Variants in FNIP1 observed in about 807,000 individuals in gnomAD.
The protein encoded by FNIP1 is folliculin interacting protein 1.
A neutral mutation model predicts 124.5 loss-of-function variants in FNIP1; 40 were observed. The observed-to-expected ratio is 0.32, with a 90% CI of 0.25 to 0.42. The LOEUF (loss-of-function observed/expected upper bound fraction) is 0.42. FNIP1 is among the 10% of genes least tolerant of loss of function. The pLI, the probability that FNIP1 is intolerant of heterozygous loss-of-function variation, is 1.00. For missense variants in FNIP1, 1,176 were observed against 1,403.7 expected (o/e 0.84, Z 2.59); for synonymous variants, 472 against 470.6 (o/e 1.00, Z -0.04).
chr5:131,677,936 G>A, intron 12 of FNIP1, 64 bp from the exon 13 acceptor site: 1 of 1,536,592 alleles, frequency 6.5e-7, no homozygotes, highest in Non-Finnish European at 8.8e-7. Flanking sequence ...GTAAAATGTA[G>A]TGAAAAAGTA....
In FNIP1 at chr5:131,643,677, A is replaced by G. The variant is rs896794811; in HGVS notation, c.*1008T>C. 6.5e-6 allele frequency: 1 copy of G among 152,722 alleles called. No homozygotes were observed. The highest frequency in any genetic ancestry group is 1.5e-5 in the Non-Finnish European group (1 of 68,022). 9.5% of individuals were successfully genotyped at this position (152,722 alleles called of 1,614,324 possible). ...AAGAGAATAATTTTAAGAGTTATGA[A>G]TAGTGTAAATTGAGGATTATTAAGC... On this transcript the variant is annotated 3_prime_UTR_variant, in exon 18 of 18. Transcript: ENST00000510461.
At chr5:131,784,851 A>T (rs910614518) in intron 1 of FNIP1, among the ~76,000 whole-genome samples, 5 of 150,306 alleles carry the variant, frequency 3.3e-5, no homozygotes, top group African/African-American at 1.2e-4. Flanking sequence ...CAAAAATATT[A>T]AAGTAAATAT....
At chr5:131,706,375 A>C (rs932045454) in intron 9 of FNIP1, 36 bp downstream of exon 9, 1 of 1,566,080 alleles carries the variant, frequency 6.4e-7, no homozygotes, top group African/African-American at 1.4e-5. Context: ...TTAAGGAACT[A>C]CTCAATCTTG....
chr5:131,749,537 G>A (rs957242749), intron 1 of FNIP1, among the ~76,000 whole-genome samples: 68 of 151,922 alleles, frequency 4.5e-4, no homozygotes, highest in Admixed American at 3.9e-3. Flanking sequence ...GTTTACAGGC[G>A]TGTGCCATCA....
At chr5:131,754,680 G>T (rs1229921803) in intron 1 of FNIP1, among the ~76,000 whole-genome samples, 1 of 152,250 alleles carries the variant, frequency 6.6e-6, no homozygotes, top group East Asian at 1.9e-4. Flanking sequence ...ATGAAGGCAG[G>T]CTGGAGCATC....
intron 6 of FNIP1, among the ~76,000 whole-genome samples, chr5:131,712,355 T>C (rs768151435): frequency 6.6e-6 from 1 of 152,190 alleles, no homozygotes; most frequent in Non-Finnish European, 1.5e-5. Context: ...CCACCCTCCA[T>C]ATATCTAATC....
intron 1 of FNIP1, among the ~76,000 whole-genome samples, chr5:131,754,662 G>C (rs1770985859): frequency 6.6e-6 from 1 of 152,206 alleles, no homozygotes; most frequent in African/African-American, 2.4e-5. Context: ...GAAGCAACAG[G>C]CACAGCTATG....
intron 6 of FNIP1, among the ~76,000 whole-genome samples, chr5:131,716,242 A>G (rs565439223): frequency 2.6e-5 from 4 of 152,208 alleles, no homozygotes; most frequent in Non-Finnish European, 5.9e-5. Context: ...GAAATAGCCA[A>G]AAGAACTACT....
At chr5:131,732,877 T>C (rs1307080841) in intron 2 of FNIP1, among the ~76,000 whole-genome samples, 3 of 152,224 alleles carry the variant, frequency 2.0e-5, no homozygotes, top group Non-Finnish European at 4.4e-5. Context: ...AAGTCATTGA[T>C]AGCTTGATGG....
intron 3 of FNIP1, among the ~76,000 whole-genome samples, chr5:131,729,416 A>C (rs1330934423): frequency 2.6e-5 from 4 of 152,228 alleles, no homozygotes; most frequent in Admixed American, 2.6e-4. Context: ...CAGTCTGGCT[A>C]CAGTGGCTTA....
intron 11 of FNIP1, among the ~76,000 whole-genome samples, chr5:131,693,319 C>CATATATAT (rs1339116049): frequency 9.6e-5 from 4 of 41,620 alleles, no homozygotes; most frequent in African/African-American, 3.1e-4. Flanking sequence ...TATATATACA[C>CATATATAT]ATATATATAT....
chr5:131,790,700 T>G (rs1460845478), intron 1 of FNIP1, among the ~76,000 whole-genome samples: 1 of 152,194 alleles, frequency 6.6e-6, no homozygotes, highest in Non-Finnish European at 1.5e-5. Context: ...CAATAAGCTA[T>G]GAAACAAAGT....
At chr5:131,729,730 A>G (rs1489236030) in intron 3 of FNIP1, among the ~76,000 whole-genome samples, 1 of 151,606 alleles carries the variant, frequency 6.6e-6, no homozygotes, top group African/African-American at 2.4e-5. Context: ...GGCTCACACC[A>G]CCACACACAG....
Position 131,642,207 on chromosome 5 carries a change from CATA to C in FNIP1, c.*2475_*2477del, listed in dbSNP as rs1766736634. The stretch of plus-strand genomic sequence containing the variant: ...AAGCCAAAACTCTTTTCACATTCAT[CATA>C]ATGACCACACTTTAAAGTAGCAGCA... On this transcript the variant is annotated 3_prime_UTR_variant, in exon 18 of 18. Coordinates refer to ENST00000510461, the MANE Select transcript of FNIP1 (RefSeq NM_133372.3). 6.6e-6 allele frequency: 1 copy of C among 152,656 alleles called. No homozygotes were observed. The highest frequency in any genetic ancestry group is 2.4e-5 in the African/African-American group (1 of 41,416). 9.5% of individuals were successfully genotyped at this position (152,656 alleles called of 1,614,324 possible). A position where few individuals can be genotyped will look rare whatever the true frequency, so the allele number is the denominator to read the frequency against.
chr5:131,647,830 T>C (rs1002838858), intron 16 of FNIP1, among the ~76,000 whole-genome samples: 1 of 152,198 alleles, frequency 6.6e-6, no homozygotes, highest in African/African-American at 2.4e-5. Context: ...CAGAATGTTG[T>C]GCAACCGTCA....
intron 1 of FNIP1, among the ~76,000 whole-genome samples, chr5:131,762,009 G>A (rs1261605342): frequency 6.6e-6 from 1 of 152,090 alleles, no homozygotes; most frequent in Non-Finnish European, 1.5e-5. Context: ...ATTTGAGAAA[G>A]GACAGTCTCT....
At chr5:131,666,907 A>G (rs865859110) in intron 15 of FNIP1, among the ~76,000 whole-genome samples, 1 of 152,228 alleles carries the variant, frequency 6.6e-6, no homozygotes, top group Admixed American at 6.5e-5. Flanking sequence ...AAAAGAGACT[A>G]AGCAACTAGG....
At chr5:131,712,886 C>T (rs1222156980) in intron 6 of FNIP1, among the ~76,000 whole-genome samples, 1 of 152,224 alleles carries the variant, frequency 6.6e-6, no homozygotes, top group Admixed American at 6.5e-5. Flanking sequence ...CCCACTGAAA[C>T]TGCTCATCTA....
chr5:131,731,895 G>A (rs1333176534), intron 2 of FNIP1, among the ~76,000 whole-genome samples: 1 of 152,126 alleles, frequency 6.6e-6, no homozygotes, highest in Non-Finnish European at 1.5e-5. Flanking sequence ...GGGATGAAAG[G>A]AGAAATGCAA....
Sources: gnomAD v4.1 joint callset for allele counts (sites outside exome capture counted in the v4.1 genomes callset) on GRCh38, gnomAD v4.1.1 for gene constraint, MANE v1.5 for transcripts, NCBI Gene and HGNC (gene_info 2026-07-23, HGNC 2026-07-21) for gene names.